FBLN5: variants seen among roughly 807,000 people sequenced by gnomAD.
FBLN5 encodes the protein fibulin 5, also known as fibulin-5.
A neutral mutation model predicts 61.6 loss-of-function variants in FBLN5; 24 were observed. That is an observed-to-expected ratio of 0.39 (90% CI 0.28 to 0.55). The LOEUF (loss-of-function observed/expected upper bound fraction) is 0.55, where lower values mean the gene tolerates loss of function less well. Among genes scored for constraint, FBLN5 ranks in the 20% least tolerant of loss-of-function variants. The pLI is 0.65. For synonymous variants in FBLN5, 213 were observed against 219.8 expected, an observed-to-expected ratio of 0.97 and a Z score of 0.27; for missense variants, 470 against 594.1, an observed-to-expected ratio of 0.79 and a Z score of 2.17.
chr14:91,885,031 G>T (rs1889662486), intron 7 of FBLN5, among the ~76,000 whole-genome samples: 1 of 152,186 alleles, frequency 6.6e-6, no homozygotes, highest in African/African-American at 2.4e-5. Flanking sequence ...GGCTAGGAGG[G>T]GTCTGGGGCT....
chr14:91,922,491 T>C (rs1253589090), intron 4 of FBLN5, among the ~76,000 whole-genome samples: 1 of 152,052 alleles, frequency 6.6e-6, no homozygotes, highest in Admixed American at 6.6e-5. Context: ...ATGAAAGGAC[T>C]CATGGCAGTA....
At chr14:91,879,852 G>A (rs1349753827) in intron 9 of FBLN5, among the ~76,000 whole-genome samples, 1 of 152,214 alleles carries the variant, frequency 6.6e-6, no homozygotes, top group Non-Finnish European at 1.5e-5. Context: ...CAGGATGGGT[G>A]TGTCTGATTC....
intron 9 of FBLN5, among the ~76,000 whole-genome samples, chr14:91,878,212 T>C (rs890028223): frequency 2.6e-5 from 4 of 152,078 alleles, no homozygotes; most frequent in Admixed American, 1.3e-4. Context: ...TAAGCAAGAG[T>C]TAGAACTATG....
At chr14:91,912,759 A>G (rs1164073265) in intron 4 of FBLN5, among the ~76,000 whole-genome samples, 1 of 147,714 alleles carries the variant, frequency 6.8e-6, no homozygotes, top group Non-Finnish European at 1.5e-5. Context: ...GCCATGAGCC[A>G]TGTTTGTACC....
At chr14:91,922,262 C>T (rs943494371) in intron 4 of FBLN5, among the ~76,000 whole-genome samples, 1 of 151,612 alleles carries the variant, frequency 6.6e-6, no homozygotes, top group Non-Finnish European at 1.5e-5. Flanking sequence ...CACTGCACTC[C>T]AGCCTGGGTG....
chr14:91,899,143 C>CGTGTGTGTGT (rs59077653), intron 4 of FBLN5, among the ~76,000 whole-genome samples: 6 of 149,838 alleles, frequency 4.0e-5, no homozygotes, highest in African/African-American at 1.5e-4. Context: ...GCTGTGTGTT[C>CGTGTGTGTGT]GTGTGTGTGT....
rs2056196795 is a variant in FBLN5 at position 91,947,096 on chromosome 14, G to A, written c.17+117C>T. On this transcript the variant is annotated intron_variant, in intron 1 of 10. Coordinates refer to ENST00000342058, the MANE Select transcript of FBLN5 (RefSeq NM_006329.4). The surrounding 1 kb of genome is among the most constrained non-coding windows in gnomAD (Gnocchi z 4.3). ...CAATATCATTGCATCACTAGCTCAT[G>A]CCTTTTCCAATATCCTGACACCGCC... The A allele has an allele frequency of 6.4e-7, 1 of 1,555,712 alleles. No individual in the cohort carries two copies. Among genetic ancestry groups the A allele is most frequent in the Admixed American group, 1.8e-5 (1 of 54,306 alleles).
In FBLN5 at chr14:91,925,234, G is replaced by A. The variant is rs188915081; in HGVS notation, c.379+11713C>T. ...CTTCCCCGGCCCCAACATACCCGCC[G>A]GCCCCAGAGTCTGTGGATGCTGGCT... On this transcript the variant is annotated intron_variant, in intron 4 of 10. Coordinates refer to ENST00000342058, the MANE Select transcript of FBLN5 (RefSeq NM_006329.4). Among the ~76,000 whole-genome samples the A allele has an allele frequency of 6.0e-4, 91 of 152,308 alleles. 1 individual carries two copies. The highest frequency in any genetic ancestry group is 2.0e-3 in the African/African-American group (83 of 41,570).
At chr14:91,884,343 G>A (rs1193839240) in intron 7 of FBLN5, among the ~76,000 whole-genome samples, 2 of 152,182 alleles carry the variant, frequency 1.3e-5, no homozygotes, top group Admixed American at 1.3e-4. Flanking sequence ...GTAGAGCCCC[G>A]GGTCTCTGGC....
intron 4 of FBLN5, among the ~76,000 whole-genome samples, chr14:91,896,910 C>T (rs932557110): frequency 2.0e-5 from 3 of 152,210 alleles, no homozygotes; most frequent in Non-Finnish European, 4.4e-5. Context: ...TCCTTGAGGG[C>T]AAGGGCCTTG....
Position 91,869,671 on chromosome 14 carries a change from T to C in FBLN5, c.*553A>G, listed in dbSNP as rs1202994441. On this transcript the variant is annotated 3_prime_UTR_variant, in exon 11 of 11. Transcript: ENST00000342058. Reference sequence around the variant, plus strand: ...ATTTAAGGACAACTGAAACTTCTTTTATGGTTGAAAATACCAGGCATGGTT... The same window carrying C: ...ATTTAAGGACAACTGAAACTTCTTTCATGGTTGAAAATACCAGGCATGGTT... 2 of 160,538 alleles carry C rather than the reference T, an allele frequency of 1.2e-5. No homozygotes were observed. The highest frequency in any genetic ancestry group is 3.6e-4 in the East Asian group (2 of 5,624). The allele number at this position is 160,538 out of a possible 1,614,324, so 9.9% of individuals were successfully genotyped here. A position where few individuals can be genotyped will look rare whatever the true frequency, so the allele number is the denominator to read the frequency against.
intron 4 of FBLN5, among the ~76,000 whole-genome samples, chr14:91,919,389 GA>G (rs1180292166): frequency 8.4e-5 from 12 of 143,588 alleles, no homozygotes; most frequent in South Asian, 4.7e-4. Flanking sequence ...AAGAAAGAAA[GA>G]AAGGAAGGAA....
chr14:91,894,078 A>C (rs1890105599), intron 5 of FBLN5, among the ~76,000 whole-genome samples: 2 of 152,228 alleles, frequency 1.3e-5, no homozygotes, highest in Admixed American at 1.3e-4. Context: ...AAACTTAAAA[A>C]ATACATCCAA....
At chr14:91,941,999 C>A in intron 2 of FBLN5, 1 of 361,112 alleles carries the variant, frequency 2.8e-6, no homozygotes, top group Non-Finnish European at 5.5e-6. Context: ...GAATATGCTT[C>A]AAAATTCTTA....
At position 91,936,985 on chromosome 14, in the gene FBLN5, C is replaced by T. The variant is rs769874344; in HGVS notation, c.341G>A (p.Arg114His). The change falls in exon 4 of 11, where the codon CGC (arginine) becomes CAC (histidine). Residue 114 changes from arginine to histidine, a missense_variant. Transcript: ENST00000342058. ...YPTISRPLICRFGYQMDESNQ... is the reference protein window; with the variant it reads ...YPTISRPLICHFGYQMDESNQ... Reference sequence around the variant, plus strand: ...GCTTTCATCCATCTGGTATCCAAAGCGGCATATAAGAGGCCTGGAGATCGT... The same window carrying T: ...GCTTTCATCCATCTGGTATCCAAAGTGGCATATAAGAGGCCTGGAGATCGT... 21 of 1,613,990 alleles carry T rather than the reference C, an allele frequency of 1.3e-5. No individual in the cohort carries two copies. Among genetic ancestry groups the T allele is most frequent in the Admixed American group, 6.7e-5 (4 of 60,004 alleles).
At chr14:91,927,655 C>A (rs2055851817) in intron 4 of FBLN5, among the ~76,000 whole-genome samples, 1 of 152,256 alleles carries the variant, frequency 6.6e-6, no homozygotes, top group Non-Finnish European at 1.5e-5. Flanking sequence ...ACAGTCAGCT[C>A]AGCTCTGGCC....
intron 3 of FBLN5, among the ~76,000 whole-genome samples, chr14:91,937,506 A>C (rs1219413842): frequency 6.6e-6 from 1 of 152,138 alleles, no homozygotes; most frequent in Non-Finnish European, 1.5e-5. Flanking sequence ...TGCAATATTG[A>C]GTGGTGGGGC....
chr14:91,899,855 T>C (rs536615068), intron 4 of FBLN5, among the ~76,000 whole-genome samples: 5 of 152,180 alleles, frequency 3.3e-5, no homozygotes, highest in Admixed American at 6.5e-5. Flanking sequence ...GAAAAGATCT[T>C]ACAAAGGCAC....
intron 4 of FBLN5, among the ~76,000 whole-genome samples, chr14:91,917,575 C>CAAAA (rs34458933): frequency 0.012 from 742 of 63,142 alleles, 5 homozygotes; most frequent in Non-Finnish European, 0.014. Context: ...GACTCCATCT[C>CAAAA]AAAAAAAAAA....
Sources: allele counts gnomAD v4.1 joint callset (sites outside exome capture counted in the v4.1 genomes callset), GRCh38; gene constraint gnomAD v4.1.1; non-coding constraint Gnocchi (gnomAD v3.1); transcripts MANE v1.5; gene names NCBI Gene and HGNC (gene_info 2026-07-23, HGNC 2026-07-21).